Variants in BCAS3 observed in about 807,000 individuals in gnomAD.
BCAS3 encodes BCAS3 microtubule associated cell migration factor.
In BCAS3, 53 loss-of-function variants were observed where a neutral mutation model predicts 116.1. The ratio of observed to expected loss-of-function variants is 0.46; its 90% CI spans 0.37 to 0.57. BCAS3 has a LOEUF of 0.57. Among genes scored for constraint, BCAS3 ranks in the 20% least tolerant of loss-of-function variants. The pLI, the probability that BCAS3 is intolerant of heterozygous loss-of-function variation, is 0.00. For synonymous variants in BCAS3, 391 were observed against 408.2 expected (o/e 0.96, Z 0.51); for missense variants, 917 against 1,165.4 (o/e 0.79, Z 3.10).
At chr17:61,183,498 G>A (rs1445471065) in intron 22 of BCAS3, among the ~76,000 whole-genome samples, 1 of 152,034 alleles carries the variant, frequency 6.6e-6, no homozygotes, top group Non-Finnish European at 1.5e-5. Flanking sequence ...ATAAACATAT[G>A]TTTGTTATAT....
rs2055502551 is a variant in BCAS3 at position 61,323,754 on chromosome 17, GC to G, written c.2426-44571del. On this transcript the variant is annotated intron_variant, in intron 22 of 23. Transcript: ENST00000407086. The surrounding 1 kb of genome is among the most constrained non-coding windows in gnomAD (Gnocchi z 4.6). ...TTCAGGGACCATTCATCACCGTGGT[GC>G]CTAGTCCCCAGGAGGTCAGTGGCCT... Among the ~76,000 whole-genome samples the G allele has an allele frequency of 6.6e-6, 1 of 152,148 alleles. No individual in the cohort carries two copies. The highest frequency in any genetic ancestry group is 2.4e-5 in the African/African-American group (1 of 41,430).
intron 7 of BCAS3, among the ~76,000 whole-genome samples, chr17:60,833,773 G>A (rs2051140834): frequency 6.6e-6 from 1 of 152,104 alleles, no homozygotes; most frequent in African/African-American, 2.4e-5. Context: ...ATCCACATTT[G>A]ATATAATAGA....
intron 11 of BCAS3, among the ~76,000 whole-genome samples, chr17:60,904,827 A>G (rs905148591): frequency 6.6e-6 from 1 of 152,228 alleles, no homozygotes; most frequent in Non-Finnish European, 1.5e-5. Flanking sequence ...TTGGGAGAAT[A>G]TAAGGGTTAT....
At chr17:61,011,508 C>A (rs1358625033) in intron 15 of BCAS3, among the ~76,000 whole-genome samples, 5 of 152,054 alleles carry the variant, frequency 3.3e-5, no homozygotes, top group African/African-American at 1.2e-4. Flanking sequence ...AGTCATCTGG[C>A]AACCTTCTGA....
chr17:61,116,244 AAAAATAAAT>A (rs945500321), intron 22 of BCAS3, among the ~76,000 whole-genome samples: 1 of 69,060 alleles, frequency 1.4e-5, no homozygotes, highest in African/African-American at 4.6e-5. Context: ...AGTATAATAA[AAAAATAAAT>A]AAATAAATAA....
At chr17:61,296,767 G>A (rs935032130) in intron 22 of BCAS3, among the ~76,000 whole-genome samples, 1 of 152,198 alleles carries the variant, frequency 6.6e-6, no homozygotes, top group African/African-American at 2.4e-5. Context: ...AGGCAGCAGC[G>A]AAGAGGGAAT....
intron 6 of BCAS3, among the ~76,000 whole-genome samples, chr17:60,774,943 G>T (rs1315685030): frequency 6.6e-6 from 1 of 152,126 alleles, no homozygotes; most frequent in Non-Finnish European, 1.5e-5. Context: ...CTGGCAGGAG[G>T]GTAAATCTGA....
In BCAS3 at chr17:61,251,849, GT is replaced by G. The variant is rs1171273565; in HGVS notation, c.2426-116474del. 3.9e-5 allele frequency among the ~76,000 whole-genome samples: 6 copies of G among 152,300 alleles called. No individual in the cohort carries two copies. The East Asian group carries it at 9.7e-4, about 25-fold the overall frequency. On this transcript the variant is annotated intron_variant, in intron 22 of 23. Coordinates refer to ENST00000407086, the MANE Select transcript of BCAS3 (RefSeq NM_017679.5). The surrounding 1 kb of genome is among the most constrained non-coding windows in gnomAD (Gnocchi z 4.7). ...ATAGAACTCATTTTCAGGAACAAGT[GT>G]TTTATAGTGAGGTGGAGGTTGTAAA...
chr17:60,962,039 A>G lies in BCAS3; in HGVS notation c.1221+14687A>G, dbSNP rs1461724303. Among the ~76,000 whole-genome samples, 3 of 152,088 alleles carry G rather than the reference A, an allele frequency of 2.0e-5. No individual in the cohort carries two copies. The highest frequency in any genetic ancestry group is 2.9e-5 in the Non-Finnish European group (2 of 68,016). On this transcript the variant is annotated intron_variant, in intron 14 of 23. Transcript: ENST00000407086. This position sits in a 1 kb window ranked among gnomAD's most constrained non-coding sequence, Gnocchi z 4.4. The stretch of plus-strand genomic sequence containing the variant: ...ATTTCATTCTTTTTTTTAAAGCTGA[A>G]TATTTCATTGCTATATATACCATAT...
Position 61,323,274 on chromosome 17 carries a change from C to A in BCAS3, c.2426-45053C>A, listed in dbSNP as rs962122170. Among the ~76,000 whole-genome samples, 1 of 152,112 alleles carries A rather than the reference C, an allele frequency of 6.6e-6. No homozygotes were observed. The highest frequency in any genetic ancestry group is 2.4e-5 in the African/African-American group (1 of 41,422). On this transcript the variant is annotated intron_variant, in intron 22 of 23. Transcript: ENST00000407086. The surrounding 1 kb of genome is among the most constrained non-coding windows in gnomAD (Gnocchi z 4.6). Reference sequence around the variant, plus strand: ...CCAGGGGGAAGGACTCATTTATAACCCGTTCTGATTATTCTTCTCCTCTGA... The same window carrying A: ...CCAGGGGGAAGGACTCATTTATAACACGTTCTGATTATTCTTCTCCTCTGA...
At chr17:60,794,420 CTATT>C (rs1211290347) in intron 6 of BCAS3, among the ~76,000 whole-genome samples, 1 of 152,018 alleles carries the variant, frequency 6.6e-6, no homozygotes, top group African/African-American at 2.4e-5. Flanking sequence ...TATGTCCTAG[CTATT>C]TATCTGTGTT....
At chr17:60,745,754 A>G (rs2041967022) in intron 5 of BCAS3, among the ~76,000 whole-genome samples, 3 of 152,150 alleles carry the variant, frequency 2.0e-5, no homozygotes, top group Non-Finnish European at 1.5e-5. Flanking sequence ...TAGTCCTAGC[A>G]TTCTTCACAT....
At chr17:60,683,942 A>G in intron 2 of BCAS3, 40 bp from the exon 3 acceptor site, 5 of 1,542,738 alleles carry the variant, frequency 3.2e-6, no homozygotes, top group Non-Finnish European at 4.5e-6. Context: ...TTCTATATTA[A>G]GCTCTCCTGA....
intron 22 of BCAS3, among the ~76,000 whole-genome samples, chr17:61,137,981 T>C (rs2076733789): frequency 6.6e-6 from 1 of 152,178 alleles, no homozygotes; most frequent in Non-Finnish European, 1.5e-5. Context: ...ATCATAAAGA[T>C]TGAATTTTCA....
chr17:61,246,476 A>AAAG (rs1385135894), intron 22 of BCAS3, among the ~76,000 whole-genome samples: 8 of 145,692 alleles, frequency 5.5e-5, no homozygotes, highest in Non-Finnish European at 7.6e-5. Flanking sequence ...TCTCAGAAAA[A>AAAG]AAAAAAAAAA....
At chr17:61,143,137 TCTTTGA>T (rs1396380288) in intron 22 of BCAS3, among the ~76,000 whole-genome samples, 2 of 152,212 alleles carry the variant, frequency 1.3e-5, no homozygotes, top group Admixed American at 6.5e-5. Context: ...GAGTAAGTTC[TCTTTGA>T]CTTTATTTTT....
At chr17:60,840,887 G>A (rs188375699) in intron 7 of BCAS3, among the ~76,000 whole-genome samples, 142 of 152,178 alleles carry the variant, frequency 9.3e-4, no homozygotes, top group African/African-American at 3.3e-3. Context: ...ATTGCTTAAT[G>A]CTTTGTAGGC....
rs184410656 is a variant in BCAS3 at position 61,044,173 on chromosome 17, C to T, written c.2029+3281C>T. On this transcript the variant is annotated intron_variant, in intron 19 of 23. Transcript: ENST00000407086. ...AAAAATATGCCTTAAGAGGTGGGGG[C>T]GCGGTGGCTCAGGCCTGTAATCCCA... 1.5e-3 allele frequency among the ~76,000 whole-genome samples: 223 copies of T among 151,802 alleles called. 1 individual carries two copies. Among genetic ancestry groups the T allele is most frequent in the African/African-American group, 4.6e-3 (192 of 41,416 alleles).
intron 22 of BCAS3, among the ~76,000 whole-genome samples, chr17:61,190,747 G>T (rs2080059663): frequency 6.6e-6 from 1 of 151,894 alleles, no homozygotes; most frequent in Admixed American, 6.6e-5. Context: ...GGGATTATAG[G>T]CATGTGCCAC....
Sources: allele counts gnomAD v4.1 joint callset (sites outside exome capture counted in the v4.1 genomes callset), GRCh38; gene constraint gnomAD v4.1.1; non-coding constraint Gnocchi (gnomAD v3.1); transcripts MANE v1.5; gene names NCBI Gene and HGNC (gene_info 2026-07-23, HGNC 2026-07-21).